Variants in GOLGA4 observed in about 807,000 individuals in gnomAD.
GOLGA4 encodes golgin subfamily A member 4.
In GOLGA4, 169 loss-of-function variants were observed where a neutral mutation model predicts 265.9. That is an observed-to-expected ratio of 0.64 (90% confidence interval 0.56 to 0.72). The LOEUF is 0.72. Ranked by LOEUF, GOLGA4 falls within the 30% of genes least tolerant of loss-of-function variation. The probability of loss-of-function intolerance (pLI) is 0.00; values close to 1 mark genes in which losing one functional copy is unlikely to be tolerated. For missense variants in GOLGA4, 2,482 were observed against 2,483.4 expected (o/e 1.00, Z 0.01); for synonymous variants, 923 against 855.8 (o/e 1.08, Z -1.37).
At chr3:37,287,626 C>T (rs975259709) in intron 4 of GOLGA4, 1 of 152,168 alleles carries the variant, frequency 6.6e-6, no homozygotes, top group Admixed American at 6.5e-5. Context: ...AGGAGGAGAG[C>T]CAGGGTCTTT....
intron 12 of GOLGA4, among the ~76,000 whole-genome samples, chr3:37,320,963 G>T (rs533519018): frequency 6.6e-6 from 1 of 152,052 alleles, no homozygotes; most frequent in Non-Finnish European, 1.5e-5. Context: ...TCATAACATG[G>T]TACAAAATCT....
chr3:37,265,400 T>C (rs2096780982), intron 2 of GOLGA4, among the ~76,000 whole-genome samples: 1 of 152,212 alleles, frequency 6.6e-6, no homozygotes, highest in Admixed American at 6.5e-5. Flanking sequence ...AATAATGTGG[T>C]ATGTAAGTAC....
chr3:37,293,980 T>A (rs992257469), intron 5 of GOLGA4, among the ~76,000 whole-genome samples: 8 of 152,164 alleles, frequency 5.3e-5, no homozygotes, highest in African/African-American at 1.7e-4. Flanking sequence ...TATCTAAACA[T>A]AGAAAAAGCC....
intron 21 of GOLGA4, among the ~76,000 whole-genome samples, chr3:37,352,487 A>G (rs1356215212): frequency 6.6e-6 from 1 of 152,036 alleles, no homozygotes; most frequent in African/African-American, 2.4e-5. Context: ...TGTGGGAACT[A>G]CAATTCAAGA....
At chr3:37,333,680 A>G (rs1045879770) in intron 16 of GOLGA4, among the ~76,000 whole-genome samples, 1 of 152,154 alleles carries the variant, frequency 6.6e-6, no homozygotes, top group African/African-American at 2.4e-5. Flanking sequence ...ATGCATTTAC[A>G]ACAATTTTCG....
intron 2 of GOLGA4, among the ~76,000 whole-genome samples, chr3:37,275,245 A>G (rs1377628071): frequency 6.6e-6 from 1 of 151,274 alleles, no homozygotes; most frequent in East Asian, 1.9e-4. Flanking sequence ...AAAAAAAGAA[A>G]AAAAAAACCC....
At chr3:37,363,341 GTTA>G (rs1157231301) in intron 23 of GOLGA4, among the ~76,000 whole-genome samples, 1 of 152,136 alleles carries the variant, frequency 6.6e-6, no homozygotes, top group East Asian at 1.9e-4. Context: ...CATTGTACTT[GTTA>G]TTATTGCAGC....
intron 1 of GOLGA4, chr3:37,249,581 T>G (rs1386006876): frequency 4.6e-5 from 7 of 152,172 alleles, no homozygotes; most frequent in African/African-American, 1.7e-4. Context: ...TTCATGTTTT[T>G]AAGTCCTTAT....
intron 2 of GOLGA4, among the ~76,000 whole-genome samples, chr3:37,261,953 T>TA (rs1279565472): frequency 1.3e-5 from 2 of 152,044 alleles, no homozygotes; most frequent in African/African-American, 4.8e-5. Flanking sequence ...AGGACAAAGA[T>TA]AATACCTTTT....
intron 20 of GOLGA4, among the ~76,000 whole-genome samples, chr3:37,344,253 C>G (rs1341028133): frequency 6.6e-6 from 1 of 152,168 alleles, no homozygotes; most frequent in Non-Finnish European, 1.5e-5. Flanking sequence ...AGGCGCACAC[C>G]ATCACACCTG....
At chr3:37,350,988 G>A (rs763286186) in intron 21 of GOLGA4, among the ~76,000 whole-genome samples, 1 of 152,034 alleles carries the variant, frequency 6.6e-6, no homozygotes, top group African/African-American at 2.4e-5. Flanking sequence ...ATTTTCCTAA[G>A]ACAGCAATGA....
intron 23 of GOLGA4, 77 bp downstream of exon 23, chr3:37,361,382 T>C (rs1053757315): frequency 3.7e-5 from 36 of 970,880 alleles, no homozygotes; most frequent in Non-Finnish European, 5.7e-5. Flanking sequence ...TTTGCTGGAA[T>C]TCTTTTGCTC....
chr3:37,363,009 C>G (rs940834635), intron 23 of GOLGA4, among the ~76,000 whole-genome samples: 12 of 151,946 alleles, frequency 7.9e-5, no homozygotes, highest in Non-Finnish European at 1.6e-4. Flanking sequence ...GTCTCGATCT[C>G]CTGACCTCAT....
At position 37,328,440 on chromosome 3, in the gene GOLGA4, G is replaced by A; in HGVS notation, c.5964G>A (p.Leu1988=). 1 of 1,613,010 alleles carries A rather than the reference G, an allele frequency of 6.2e-7. No individual in the cohort carries two copies. ...GACAGGAGCAGGAAGATCTTGAACTGAAGCACAATTCCACATTAAAACAGC... is the reference window on the plus strand; with the variant it reads ...GACAGGAGCAGGAAGATCTTGAACTAAAGCACAATTCCACATTAAAACAGC... The part of the protein sequence containing the change: ...KIKQEQEDLE[L]KHNSTLKQLM... The change falls in exon 15 of 24, where the codon CTG becomes CTA. Residue 1988 remains leucine, a synonymous_variant. Transcript: ENST00000361924.
At chr3:37,295,357 T>A (rs1336111365) in intron 6 of GOLGA4, among the ~76,000 whole-genome samples, 3 of 152,176 alleles carry the variant, frequency 2.0e-5, no homozygotes, top group Non-Finnish European at 4.4e-5. Flanking sequence ...TGGCTGGGAA[T>A]ACAGGCATAT....
chr3:37,362,667 C>G (rs1210971648), intron 23 of GOLGA4, among the ~76,000 whole-genome samples: 1 of 151,678 alleles, frequency 6.6e-6, no homozygotes. Flanking sequence ...TCCCAAATAA[C>G]TGGGACTCTA....
rs557354314 is a variant in GOLGA4 at position 37,331,403 on chromosome 3, A to G, written c.6192+2310A>G. The stretch of plus-strand genomic sequence containing the variant: ...AATTAAATAGCCAGTCCCCATCCAG[A>G]CATCCCCAGATATACTTTATCCCAA... On this transcript the variant is annotated intron_variant, in intron 16 of 23. Coordinates refer to ENST00000361924, the MANE Select transcript of GOLGA4 (RefSeq NM_002078.5). Among the ~76,000 whole-genome samples, 3 of 152,306 alleles carry G rather than the reference A, an allele frequency of 2.0e-5. No individual in the cohort carries two copies. The South Asian group carries it at 6.2e-4, about 32-fold the overall frequency.
At chr3:37,337,185 TTTTTTTTC>T (rs1559452964) in intron 18 of GOLGA4, 22 bp downstream of exon 18, 9 of 1,191,344 alleles carry the variant, frequency 7.6e-6, no homozygotes, top group African/African-American at 1.5e-5. Context: ...TCTTCTTTTT[TTTTTTTTC>T]TTTTTTTTCT....
chr3:37,343,031 C>T (rs750254745), intron 20 of GOLGA4, among the ~76,000 whole-genome samples: 6 of 152,226 alleles, frequency 3.9e-5, no homozygotes, highest in Non-Finnish European at 5.9e-5. Flanking sequence ...TCCCAACTAG[C>T]TGGGAGTACA....
Sources: gnomAD v4.1 joint callset for allele counts (sites outside exome capture counted in the v4.1 genomes callset) on GRCh38, gnomAD v4.1.1 for gene constraint, MANE v1.5 for transcripts, NCBI Gene and HGNC (gene_info 2026-07-23, HGNC 2026-07-21) for gene names.